ZNF365: variants seen among roughly 807,000 people sequenced by gnomAD.
ZNF365 encodes the protein zinc finger protein 365.
A neutral mutation model predicts 35.0 loss-of-function variants in ZNF365; 22 were observed. The observed-to-expected ratio is 0.63, with a 90% CI of 0.45 to 0.90. ZNF365 has a LOEUF of 0.90. ZNF365 is among the 40% of genes least tolerant of loss of function. The pLI is 0.00. For synonymous variants in ZNF365, 188 were observed against 196.2 expected, an observed-to-expected ratio of 0.96 and a Z score of 0.35; for missense variants, 448 against 500.3, an observed-to-expected ratio of 0.90 and a Z score of 1.00.
At chr10:62,440,814 G>A (rs1167504012) in intron 3 of ZNF365, among the ~76,000 whole-genome samples, 8 of 152,152 alleles carry the variant, frequency 5.3e-5, no homozygotes, top group African/African-American at 1.9e-4. Flanking sequence ...TTACTCACTT[G>A]TGAATTACTG....
At chr10:62,432,151 G>C (rs1435038307) in intron 3 of ZNF365, among the ~76,000 whole-genome samples, 2 of 152,192 alleles carry the variant, frequency 1.3e-5, no homozygotes, top group East Asian at 3.8e-4. Context: ...GTGGATGCAG[G>C]TTAAACCTGC....
chr10:62,377,065 T>C (rs1483903941), intron 2 of ZNF365, 129 bp downstream of exon 2: 4 of 1,233,234 alleles, frequency 3.2e-6, no homozygotes, highest in East Asian at 2.5e-5. Flanking sequence ...CTTATTGATA[T>C]AGTTGAACCA....
intron 4 of ZNF365, among the ~76,000 whole-genome samples, chr10:62,461,977 C>CA (rs1840855047): frequency 6.6e-6 from 1 of 151,338 alleles, no homozygotes; most frequent in Non-Finnish European, 1.5e-5. Flanking sequence ...TCTCCCCATC[C>CA]TTTTTTTTTA....
rs1839822608 is a variant in ZNF365 at position 62,401,211 on chromosome 10, G to C, written c.*1422G>C. ...TTATTTTTAAATACTCATGGAGAAA[G>C]TGTGTGTTTGTGGTGGGTGGTTTTT... On this transcript the variant is annotated 3_prime_UTR_variant, in exon 5 of 5. Transcript: ENST00000395254. 3 of 984,156 alleles carry C rather than the reference G, an allele frequency of 3.0e-6. No homozygotes were observed. The highest frequency in any genetic ancestry group is 3.6e-6 in the Non-Finnish European group (3 of 828,864). The allele number at this position is 984,156 out of a possible 1,614,324, so 61.0% of individuals were successfully genotyped here. A position where few individuals can be genotyped will look rare whatever the true frequency, so the allele number is the denominator to read the frequency against.
In ZNF365 at chr10:62,400,673, G is replaced by A. The variant is rs1457220743; in HGVS notation, c.*884G>A. On this transcript the variant is annotated 3_prime_UTR_variant, in exon 5 of 5. Coordinates refer to ENST00000395254, the MANE Select transcript of ZNF365 (RefSeq NM_014951.3). ...GCATCGTGACCATCCTGGAAGCACT[G>A]CGGGTGTCGCCAAGCCCTTTCCTAA... The A allele has an allele frequency of 1.0e-6, 1 of 985,618 alleles. No homozygotes were observed. Among genetic ancestry groups the A allele is most frequent in the Non-Finnish European group, 1.2e-6 (1 of 830,050 alleles). 61.1% of individuals were successfully genotyped at this position (985,618 alleles called of 1,614,324 possible).
chr10:62,442,659 GC>G (rs1406988107), intron 3 of ZNF365, among the ~76,000 whole-genome samples: 2 of 152,130 alleles, frequency 1.3e-5, no homozygotes, highest in African/African-American at 4.8e-5. Context: ...AAACACCTTT[GC>G]CCTGTCTCTT....
At chr10:62,467,690 G>A (rs1840967099) in intron 4 of ZNF365, among the ~76,000 whole-genome samples, 1 of 152,186 alleles carries the variant, frequency 6.6e-6, no homozygotes, top group Non-Finnish European at 1.5e-5. Context: ...AAACTCTGAA[G>A]AAGTGCAGAA....
intron 2 of ZNF365, among the ~76,000 whole-genome samples, chr10:62,388,052 A>G (rs556125784): frequency 6.6e-6 from 1 of 152,302 alleles, no homozygotes; most frequent in Non-Finnish European, 1.5e-5. Flanking sequence ...GTCTCTGTTC[A>G]AATGTCACCC....
At chr10:62,386,765 A>G (rs181227629) in intron 2 of ZNF365, among the ~76,000 whole-genome samples, 5 of 152,352 alleles carry the variant, frequency 3.3e-5, no homozygotes, top group African/African-American at 9.6e-5. Context: ...TTCCTGAGCT[A>G]GACTTCCCTG....
rs1200794013 is a variant in ZNF365 at position 62,410,023 on chromosome 10, A to G, written c.924+21447A>G. 2.6e-5 allele frequency among the ~76,000 whole-genome samples: 4 copies of G among 152,138 alleles called. No individual in the cohort carries two copies. The East Asian group carries it at 7.7e-4, about 29-fold the overall frequency. On this transcript the variant is annotated intron_variant, in intron 3 of 4. Transcript: ENST00000395255. ...CCTTTTAGGATCACAGGATCTCAAC[A>G]GAATCCCTGACTTAGTCATTCTCTG...
Position 62,376,693 on chromosome 10 carries a change from G to T in ZNF365, c.500G>T (p.Arg167Leu), listed in dbSNP as rs530339038. 3.1e-6 allele frequency: 5 copies of T among 1,614,138 alleles called. No homozygotes were observed. The Admixed American group carries it at 6.7e-5, about 22-fold the overall frequency. ...GCACATGTCAGAGAAAAATTCAATC[G>T]AATGGTTGAGGCTGTGGATAGGACC... ...FEAHVREKFNRMVEAVDRTIE... is the reference protein window; with the variant it reads ...FEAHVREKFNLMVEAVDRTIE... The change falls in exon 2 of 5, where the codon CGA becomes CTA. Residue 167 changes from arginine to leucine, a missense_variant. Transcript: ENST00000395254.
intron 3 of ZNF365, among the ~76,000 whole-genome samples, chr10:62,425,770 T>C (rs1355833960): frequency 1.3e-5 from 2 of 152,188 alleles, no homozygotes; most frequent in South Asian, 2.1e-4. Context: ...GGATGTACCA[T>C]ATATTTTCTT....
rs943939168 is a variant in ZNF365 at position 62,409,523 on chromosome 10, G to A, written c.924+20947G>A. ...AAGTGAGGAACCATTTCCCTTTAAG[G>A]GTCTGTAGTGCATTCCAGTTGGGCT... is the stretch of plus-strand genomic sequence containing the variant. On this transcript the variant is annotated intron_variant, in intron 3 of 4. Coordinates refer to the ZNF365 transcript ENST00000395255. Among the ~76,000 whole-genome samples the A allele has an allele frequency of 5.0e-4, 76 of 152,054 alleles. 1 individual carries two copies. Among genetic ancestry groups the A allele is most frequent in the Admixed American group, 4.4e-3 (67 of 15,260 alleles).
intron 4 of ZNF365, among the ~76,000 whole-genome samples, chr10:62,474,106 C>T (rs769137895): frequency 6.6e-6 from 1 of 152,128 alleles, no homozygotes; most frequent in Non-Finnish European, 1.5e-5. Flanking sequence ...TAGAGTGTTC[C>T]CAGAAATTGC....
chr10:62,410,687 G>A (rs1388143358), intron 3 of ZNF365, among the ~76,000 whole-genome samples: 2 of 152,100 alleles, frequency 1.3e-5, no homozygotes, highest in Non-Finnish European at 2.9e-5. Flanking sequence ...CCCTGTAAAG[G>A]ACATTATCTC....
At chr10:62,427,193 CCTT>C (rs1379689267) in intron 3 of ZNF365, among the ~76,000 whole-genome samples, 2 of 152,264 alleles carry the variant, frequency 1.3e-5, no homozygotes, top group Admixed American at 6.5e-5. Context: ...AGAGTGTACT[CCTT>C]CTACAGTCAC....
At chr10:62,427,649 T>C (rs560459753) in intron 3 of ZNF365, among the ~76,000 whole-genome samples, 1 of 152,314 alleles carries the variant, frequency 6.6e-6, no homozygotes, top group African/African-American at 2.4e-5. Context: ...CTTTTAGGTC[T>C]GCTTGGTACT....
chr10:62,421,082 C>T (rs1284722776), intron 3 of ZNF365, among the ~76,000 whole-genome samples: 1 of 151,794 alleles, frequency 6.6e-6, no homozygotes, highest in African/African-American at 2.4e-5. Flanking sequence ...GGTTTAGAGA[C>T]ATTGGCAACC....
chr10:62,397,998 A>C (rs921316402), intron 3 of ZNF365, among the ~76,000 whole-genome samples: 1 of 152,224 alleles, frequency 6.6e-6, no homozygotes, highest in Non-Finnish European at 1.5e-5. Context: ...TCACGTGAGC[A>C]GTGTACATTA....
Sources: gnomAD v4.1 joint callset for allele counts (sites outside exome capture counted in the v4.1 genomes callset) on GRCh38, gnomAD v4.1.1 for gene constraint, MANE v1.5 for transcripts, NCBI Gene and HGNC (gene_info 2026-07-23, HGNC 2026-07-21) for gene names.